Variants in AFAP1 observed in about 807,000 individuals in gnomAD.
AFAP1 encodes the protein actin filament associated protein 1, also known as actin filament-associated protein 1.
Under a neutral mutation model 93.9 loss-of-function variants are expected in AFAP1, and 75 were observed. That is an observed-to-expected ratio of 0.80 (90% confidence interval 0.66 to 0.97). AFAP1 has a LOEUF of 0.97. Ranked by LOEUF, AFAP1 falls within the 50% of genes least tolerant of loss-of-function variation. The pLI is 0.00. For missense variants in AFAP1, 1,201 were observed against 1,050.8 expected, an observed-to-expected ratio of 1.14 and a Z score of -1.98; for synonymous variants, 517 against 430.7, an observed-to-expected ratio of 1.20 and a Z score of -2.48.
intron 1 of AFAP1, among the ~76,000 whole-genome samples, chr4:7,888,866 C>A (rs781044964): frequency 1.3e-5 from 2 of 152,120 alleles, no homozygotes; most frequent in East Asian, 3.9e-4. Context: ...TCTCGGCTCA[C>A]TGCAACCTCC....
rs2285768 is a variant in AFAP1 at position 7,760,843 on chromosome 4, G to A, written c.*2922C>T. On this transcript the variant is annotated 3_prime_UTR_variant, in exon 18 of 18. Coordinates refer to ENST00000420658, the MANE Select transcript of AFAP1 (RefSeq NM_001134647.2). ...GACCTGTCCTCCGGCCAGCTCCATC[G>A]CGTGGCCACCACATTCCTCGCATTG... The A allele has an allele frequency of 0.14, 21,704 of 152,330 alleles. 1,736 individuals carry two copies. Among genetic ancestry groups the A allele is most frequent in the East Asian group, 0.2 (1,052 of 5,166 alleles). 9.4% of individuals were successfully genotyped at this position (152,330 alleles called of 1,614,324 possible).
rs1318844560 is a variant in AFAP1, at chr4:7,759,006, GTTTC to G, written c.*4755_*4758del. The G allele has an allele frequency of 6.6e-6, 1 of 152,486 alleles. No individual in the cohort carries two copies. The highest frequency in any genetic ancestry group is 1.5e-5 in the Non-Finnish European group (1 of 68,014). The allele number at this position is 152,486 out of a possible 1,614,324, so 9.4% of individuals were successfully genotyped here. On this transcript the variant is annotated 3_prime_UTR_variant, in exon 18 of 18. Transcript: ENST00000420658. ...AAAAATCTTTGCTGTTTCTTTGCCT[GTTTC>G]TTTCAAAGAGAATTTTAAATATGAC... is the stretch of plus-strand genomic sequence containing the variant.
At chr4:7,903,437 T>G (rs926233302) in intron 1 of AFAP1, among the ~76,000 whole-genome samples, 1 of 152,216 alleles carries the variant, frequency 6.6e-6, no homozygotes, top group African/African-American at 2.4e-5. Flanking sequence ...CTCAGCACTT[T>G]GGGAGGCTTA....
rs115976921 is a variant in AFAP1, at chr4:7,894,321, A to G, written c.-2-22241T>C. Among the ~76,000 whole-genome samples the G allele has an allele frequency of 7.0e-3, 1,072 of 152,312 alleles. 12 individuals are homozygous for G. The highest frequency in any genetic ancestry group is 0.024 in the African/African-American group (1,013 of 41,570). On this transcript the variant is annotated intron_variant, in intron 1 of 17. Transcript: ENST00000420658. ...TCGCAACAAGAGTCTAAAGCCTACAATATGTACTCTCTGCTCTGTTACAGA... is the reference window on the plus strand; with the variant it reads ...TCGCAACAAGAGTCTAAAGCCTACAGTATGTACTCTCTGCTCTGTTACAGA...
At chr4:7,805,745 G>T (rs944116305) in intron 9 of AFAP1, among the ~76,000 whole-genome samples, 6 of 152,228 alleles carry the variant, frequency 3.9e-5, no homozygotes, top group African/African-American at 1.4e-4. Context: ...TGTGGACACA[G>T]GCAGTGAGCC....
chr4:7,939,835 C>A lies in AFAP1; in HGVS notation c.-182G>T, dbSNP rs992025810. ...CCGGCTCGGCTCGCGGAGCTGCAGC[C>A]GGCGTGGGGCTGCGGCCGGGACAGA... is the stretch of plus-strand genomic sequence containing the variant. On this transcript the variant is annotated 5_prime_UTR_variant, in exon 1 of 18. Transcript: ENST00000420658. The surrounding 1 kb of genome is among the most constrained non-coding windows in gnomAD (Gnocchi z 5.6). The A allele has an allele frequency of 2.9e-5, 8 of 279,936 alleles. No individual in the cohort carries two copies. The highest frequency in any genetic ancestry group is 1.7e-4 in the African/African-American group (7 of 42,402). The allele number at this position is 279,936 out of a possible 1,614,324, so 17.3% of individuals were successfully genotyped here.
At chr4:7,862,694 C>T (rs1402012223) in intron 3 of AFAP1, among the ~76,000 whole-genome samples, 1 of 152,144 alleles carries the variant, frequency 6.6e-6, no homozygotes. Context: ...AAAATACCAG[C>T]GAATTAAGTT....
At chr4:7,847,112 G>A (rs543366016) in intron 4 of AFAP1, among the ~76,000 whole-genome samples, 3 of 152,312 alleles carry the variant, frequency 2.0e-5, no homozygotes, top group Non-Finnish European at 2.9e-5. Flanking sequence ...AGAAGTCACC[G>A]AGCACAAAGG....
intron 16 of AFAP1, among the ~76,000 whole-genome samples, chr4:7,770,420 A>G (rs1277682102): frequency 2.0e-5 from 3 of 152,144 alleles, no homozygotes; most frequent in Non-Finnish European, 4.4e-5. Flanking sequence ...AAGCAGGTGC[A>G]ATGGGAAGCC....
intron 3 of AFAP1, among the ~76,000 whole-genome samples, chr4:7,860,278 T>C (rs1431180386): frequency 1.3e-5 from 2 of 150,644 alleles, no homozygotes; most frequent in African/African-American, 4.9e-5. Flanking sequence ...TGTGTGTGTG[T>C]GTATATGTGT....
At chr4:7,894,549 C>T (rs369127176) in intron 1 of AFAP1, among the ~76,000 whole-genome samples, 4 of 152,130 alleles carry the variant, frequency 2.6e-5, no homozygotes, top group Admixed American at 2.0e-4. Context: ...GAGGCCAGCC[C>T]GCTTTGTGAA....
At chr4:7,889,726 TGAAA>T (rs1289383401) in intron 1 of AFAP1, among the ~76,000 whole-genome samples, 1 of 130,596 alleles carries the variant, frequency 7.7e-6, no homozygotes, top group African/African-American at 2.9e-5. Flanking sequence ...AATTGAAAAA[TGAAA>T]GAAAAGGAAA....
chr4:7,838,637 A>G lies in AFAP1; in HGVS notation c.613T>C (p.Tyr205His). Residue 205 changes from tyrosine (Y) to histidine (H), a missense_variant, in exon 6 of 18, where the codon TAC becomes CAC. Physicochemically the swap from Tyr to His is moderately conservative, Grantham distance 83. Coordinates refer to ENST00000420658, the MANE Select transcript of AFAP1 (RefSeq NM_001134647.2). Reference sequence around the variant, plus strand: ...TTCTTTTTGCTGTCTTTCGGGATGTACGTAATGTTACAGCCTTGGAGTGGC... The same window carrying G: ...TTCTTTTTGCTGTCTTTCGGGATGTGCGTAATGTTACAGCCTTGGAGTGGC... ...ELPLQGCNIT[Y>H]IPKDSKKKKH... 1 of 1,614,138 alleles carries G rather than the reference A, an allele frequency of 6.2e-7. No individual in the cohort carries two copies. The highest frequency in any genetic ancestry group is 1.1e-5 in the South Asian group (1 of 91,082).
chr4:7,793,000 T>C lies in AFAP1; in HGVS notation c.1412+681A>G, dbSNP rs538659897. On this transcript the variant is annotated intron_variant, in intron 11 of 17. Coordinates refer to ENST00000420658, the MANE Select transcript of AFAP1 (RefSeq NM_001134647.2). ...GGAAAAAGGAAACAATGTCTTAGTATATTATGAAAATAATTTAACCCCGCA... is the reference window on the plus strand; with the variant it reads ...GGAAAAAGGAAACAATGTCTTAGTACATTATGAAAATAATTTAACCCCGCA... Among the ~76,000 whole-genome samples, 4 of 152,338 alleles carry C rather than the reference T, an allele frequency of 2.6e-5. No homozygotes were observed. In the South Asian group the frequency reaches 8.3e-4, roughly 32 times the overall value.
intron 6 of AFAP1, among the ~76,000 whole-genome samples, chr4:7,824,740 C>T (rs181647549): frequency 5.3e-5 from 8 of 152,012 alleles, no homozygotes; most frequent in Admixed American, 2.0e-4. Context: ...CAATGGAGGC[C>T]GGGAAGGCTG....
At chr4:7,863,656 T>A (rs1716010427) in intron 3 of AFAP1, among the ~76,000 whole-genome samples, 1 of 152,026 alleles carries the variant, frequency 6.6e-6, no homozygotes, top group South Asian at 2.1e-4. Context: ...AAAGACACAT[T>A]AGCCAGGTGG....
At chr4:7,869,576 G>C (rs1716837371) in intron 2 of AFAP1, among the ~76,000 whole-genome samples, 1 of 152,198 alleles carries the variant, frequency 6.6e-6, no homozygotes, top group Non-Finnish European at 1.5e-5. Context: ...ACTAGGAAAG[G>C]TGATGAACAC....
chr4:7,797,036 G>T (rs1718493441), intron 10 of AFAP1, among the ~76,000 whole-genome samples: 1 of 150,022 alleles, frequency 6.7e-6, no homozygotes, highest in Non-Finnish European at 1.5e-5. Context: ...CTCCAGCCTG[G>T]ATGACAGAGT....
chr4:7,908,747 C>T (rs1719563214), intron 1 of AFAP1, among the ~76,000 whole-genome samples: 1 of 152,174 alleles, frequency 6.6e-6, no homozygotes, highest in African/African-American at 2.4e-5. Flanking sequence ...AAGAAAAGGA[C>T]AGGCTGCCAT....
Sources: allele counts gnomAD v4.1 joint callset (sites outside exome capture counted in the v4.1 genomes callset), GRCh38; gene constraint gnomAD v4.1.1; non-coding constraint Gnocchi (gnomAD v3.1); transcripts MANE v1.5; gene names NCBI Gene and HGNC (gene_info 2026-07-23, HGNC 2026-07-21).